Variants in LMNA observed in about 807,000 individuals in gnomAD.
The protein encoded by LMNA is lamin A/C, also known as lamin.
A neutral mutation model predicts 70.4 loss-of-function variants in LMNA; 20 were observed. The observed-to-expected ratio is 0.28, with a 90% CI of 0.20 to 0.41. LMNA has a LOEUF of 0.41. Among genes scored for constraint, LMNA ranks in the 10% least tolerant of loss-of-function variants. The pLI, the probability that LMNA is intolerant of heterozygous loss-of-function variation, is 1.00. For missense variants in LMNA, 652 were observed against 917.2 expected (o/e 0.71, Z 3.73); for synonymous variants, 339 against 372.8 (o/e 0.91, Z 1.04).
chr1:156,111,322 G>A (rs921847587), upstream of LMNA, among the ~76,000 whole-genome samples: 5 of 151,824 alleles, frequency 3.3e-5, no homozygotes, highest in Non-Finnish European at 7.4e-5. Context: ...GGTGGCACAC[G>A]CCTGTAATCC....
rs1469351971 is a variant in LMNA, at chr1:156,135,390, T to A, written c.936+78T>A. 4.2e-6 allele frequency: 2 copies of A among 480,242 alleles called. No homozygotes were observed. The highest frequency in any genetic ancestry group is 1.6e-5 in the South Asian group (1 of 60,776). 29.7% of individuals were successfully genotyped at this position (480,242 alleles called of 1,614,324 possible). On this transcript the variant is annotated intron_variant, in intron 5 of 11. Transcript: ENST00000368300. The surrounding 1 kb of genome is among the most constrained non-coding windows in gnomAD (Gnocchi z 4.8). ...CAGGCTGGAAGCCCAGGGTTGGGGGTGGGGGTGGGGGTGGGAGGTTCCTGA... is the reference window on the plus strand; with the variant it reads ...CAGGCTGGAAGCCCAGGGTTGGGGGAGGGGGTGGGGGTGGGAGGTTCCTGA...
At chr1:156,119,357 C>G (rs1650045235) in intron 1 of LMNA, among the ~76,000 whole-genome samples, 1 of 152,172 alleles carries the variant, frequency 6.6e-6, no homozygotes, top group African/African-American at 2.4e-5. Context: ...ACCTCGTGAT[C>G]CGTCCACCTT....
chr1:156,102,495 G>C (rs975481721), intron 3 of LMNA, among the ~76,000 whole-genome samples: 14 of 152,206 alleles, frequency 9.2e-5, no homozygotes, highest in African/African-American at 3.1e-4. Flanking sequence ...AAGATGGTTT[G>C]GTTTAGGTGG....
At chr1:156,087,144 C>T (rs1648508505) in intron 2 of LMNA, among the ~76,000 whole-genome samples, 1 of 152,204 alleles carries the variant, frequency 6.6e-6, no homozygotes, top group African/African-American at 2.4e-5. Context: ...GTCATCTCCC[C>T]CATCTTCATA....
intron 2 of LMNA, among the ~76,000 whole-genome samples, chr1:156,133,234 C>G (rs1476740646): frequency 6.6e-6 from 1 of 152,088 alleles, no homozygotes; most frequent in Non-Finnish European, 1.5e-5. Flanking sequence ...GGATTATAGG[C>G]ATGAGCCACC....
Position 156,114,723 on chromosome 1 carries a change from A to G in LMNA, c.-196A>G, listed in dbSNP as rs1378736641. On this transcript the variant is annotated 5_prime_UTR_variant, in exon 1 of 12. Coordinates refer to ENST00000368300, the MANE Select transcript of LMNA (RefSeq NM_170707.4). ...GCGTCGGTGACTCAGTGTTCGCGGGAGCGCCGCACCTACACCAGCCAACCC... is the reference window on the plus strand; with the variant it reads ...GCGTCGGTGACTCAGTGTTCGCGGGGGCGCCGCACCTACACCAGCCAACCC... 1.4e-5 allele frequency: 8 copies of G among 557,492 alleles called. No individual in the cohort carries two copies. The highest frequency in any genetic ancestry group is 4.1e-5 in the African/African-American group (2 of 49,372). 34.5% of individuals were successfully genotyped at this position (557,492 alleles called of 1,614,324 possible). A position where few individuals can be genotyped will look rare whatever the true frequency, so the allele number is the denominator to read the frequency against.
Position 156,103,304 on chromosome 1 carries a change from C to T in LMNA, c.-206-11409C>T, listed in dbSNP as rs1247492691. Among the ~76,000 whole-genome samples, 3 of 152,156 alleles carry T rather than the reference C, an allele frequency of 2.0e-5. No homozygotes were observed. The highest frequency in any genetic ancestry group is 2.9e-5 in the Non-Finnish European group (2 of 68,014). ...CCTGTGGCTGAGGGTGAGAAGCCAG[C>T]GATCGACCCCCAGGGAGAAGTCTTG... is the stretch of plus-strand genomic sequence containing the variant. On this transcript the variant is annotated intron_variant, in intron 3 of 12. Transcript: ENST00000368301. The surrounding 1 kb of genome is among the most constrained non-coding windows in gnomAD (Gnocchi z 4.7).
chr1:156,085,406 C>A (rs1413002109), intron 2 of LMNA, among the ~76,000 whole-genome samples: 12 of 152,152 alleles, frequency 7.9e-5, no homozygotes, highest in African/African-American at 7.2e-5. Context: ...CTTGCCTGAT[C>A]CAGAATTATG....
Position 156,103,602 on chromosome 1 carries a change from C to T in LMNA, c.-206-11111C>T, listed in dbSNP as rs966146974. On this transcript the variant is annotated intron_variant, in intron 3 of 12. Transcript: ENST00000368301. This position sits in a 1 kb window ranked among gnomAD's most constrained non-coding sequence, Gnocchi z 4.7. The stretch of plus-strand genomic sequence containing the variant: ...CAACCCCTCCTTGCAAGCCCTCATT[C>T]GGGCGGGGAGAAGGAAGGGGTCCTG... Among the ~76,000 whole-genome samples, 7 of 152,110 alleles carry T rather than the reference C, an allele frequency of 4.6e-5. No homozygotes were observed. Among genetic ancestry groups the T allele is most frequent in the Admixed American group, 1.3e-4 (2 of 15,284 alleles).
intron 2 of LMNA, among the ~76,000 whole-genome samples, chr1:156,131,051 C>T (rs535119394): frequency 3.3e-5 from 5 of 152,018 alleles, no homozygotes; most frequent in African/African-American, 1.2e-4. Flanking sequence ...GTGGGCCGAT[C>T]ACGAGGTCAG....
chr1:156,094,118 T>C (rs111873202), intron 3 of LMNA, among the ~76,000 whole-genome samples: 28 of 152,288 alleles, frequency 1.8e-4, no homozygotes, highest in African/African-American at 6.0e-4. Context: ...TGACATGACT[T>C]GGTGGATGGC....
At position 156,137,084 on chromosome 1, in the gene LMNA, T is replaced by TTG. The variant is rs1429860595; in HGVS notation, c.1489-29_1489-28insTG. The TTG allele has an allele frequency of 6.2e-7, 1 of 1,613,960 alleles. No homozygotes were observed. Among genetic ancestry groups the TTG allele is most frequent in the East Asian group, 2.2e-5 (1 of 44,900 alleles). ...AGGCCTTGGGTGGCGATGGGAGCGC[T>TTG]GGGGTAAGTGTCCTTTTCTCCTCTC... On this transcript the variant is annotated intron_variant, in intron 8 of 11. Transcript: ENST00000368300. The surrounding 1 kb of genome is among the most constrained non-coding windows in gnomAD (Gnocchi z 4.6).
rs1651330485 is a variant in LMNA at position 156,134,347 on chromosome 1, T to C, written c.514-56T>C. On this transcript the variant is annotated intron_variant, in intron 2 of 11. Transcript: ENST00000368300. The surrounding 1 kb of genome is among the most constrained non-coding windows in gnomAD (Gnocchi z 5.3). ...GGCAGCAGCCCACCTCTCAGCTTCC[T>C]TCCAGTTCTTGTGTTCTGTGACCCC... 1.2e-6 allele frequency: 2 copies of C among 1,603,862 alleles called. No homozygotes were observed.
chr1:156,109,128 C>T (rs534994853), intron 3 of LMNA, among the ~76,000 whole-genome samples: 5 of 152,124 alleles, frequency 3.3e-5, no homozygotes, highest in Admixed American at 3.3e-4. Flanking sequence ...ATTGGTCCAA[C>T]AAAATAATGC....
At chr1:156,121,496 C>T (rs1025212086) in intron 1 of LMNA, among the ~76,000 whole-genome samples, 5 of 152,182 alleles carry the variant, frequency 3.3e-5, no homozygotes, top group Non-Finnish European at 1.5e-5. Context: ...GGCACTTCCC[C>T]TGGCCTCCAG....
chr1:156,130,490 A>G, intron 1 of LMNA, 127 bp from the exon 2 acceptor site: 1 of 1,037,540 alleles, frequency 9.6e-7, no homozygotes, highest in South Asian at 1.3e-5. Context: ...ACCTAATGCA[A>G]GGATGCCCTC....
intron 1 of LMNA, chr1:156,126,966 CATGAGTCACCTGAGG>C: frequency 6.7e-7 from 1 of 1,497,488 alleles, no homozygotes; most frequent in South Asian, 1.3e-5. Context: ...TGTGCCTGAG[CATGAGTCACCTGAGG>C]GGCCCAGGTT....
At chr1:156,130,537 T>A in intron 1 of LMNA, 80 bp from the exon 2 acceptor site, 1 of 1,466,400 alleles carries the variant, frequency 6.8e-7, no homozygotes, top group Non-Finnish European at 9.6e-7. Context: ...CCAGCCCCCA[T>A]GGCTGACCTC....
rs745997478 is a variant in LMNA, at chr1:156,138,669, G to A, written c.1880G>A (p.Arg627His). The A allele has an allele frequency of 1.2e-5, 19 of 1,613,578 alleles. No homozygotes were observed. The highest frequency in any genetic ancestry group is 1.5e-5 in the Non-Finnish European group (18 of 1,179,980). ...AGTGTCACGGTCACTCGCAGCTACC[G>A]CAGTGTGGGGGGCAGTGGGGGTGGC... ...ASSVTVTRSY[R>H]SVGGSGGGSF... Residue 627 changes from arginine (R) to histidine (H), a missense_variant, in exon 11 of 12, where the codon CGC becomes CAC. Around this residue, in one of 4 missense-constraint regions of LMNA, gnomAD observed 327 missense variants for 387.6 expected, o/e 0.84. Transcript: ENST00000368300. This position sits in a 1 kb window ranked among gnomAD's most constrained non-coding sequence, Gnocchi z 5.5.
Sources: allele counts gnomAD v4.1 joint callset (sites outside exome capture counted in the v4.1 genomes callset), GRCh38; gene constraint gnomAD v4.1.1; regional missense constraint gnomAD v4.1.1; non-coding constraint Gnocchi (gnomAD v3.1); transcripts MANE v1.5; gene names NCBI Gene and HGNC (gene_info 2026-07-23, HGNC 2026-07-21).